The following SNX29 variants were observed in gnomAD, a reference collection of about 807,000 sequenced individuals.
The protein encoded by SNX29 is sorting nexin 29, also known as sorting nexin-29.
SNX29 carries 78 observed loss-of-function variants against 102.1 expected under a neutral mutation model. The observed-to-expected ratio is 0.76, with a 90% confidence interval of 0.64 to 0.92. The LOEUF is 0.92. Ranked by LOEUF, SNX29 falls within the 40% of genes least tolerant of loss-of-function variation. SNX29 has a pLI of 0.00. For missense variants in SNX29, 1,280 were observed against 1,061.7 expected, an observed-to-expected ratio of 1.21 and a Z score of -2.86; for synonymous variants, 580 against 414.5, an observed-to-expected ratio of 1.40 and a Z score of -4.85.
chr16:12,062,983 G>A (rs1277556840), intron 9 of SNX29, among the ~76,000 whole-genome samples: 1 of 152,178 alleles, frequency 6.6e-6, no homozygotes, highest in Non-Finnish European at 1.5e-5. Context: ...TCTGTCAGTT[G>A]CTGTGTCCTC....
At chr16:12,478,091 G>A (rs1567605372) in intron 19 of SNX29, among the ~76,000 whole-genome samples, 1 of 152,272 alleles carries the variant, frequency 6.6e-6, no homozygotes, top group South Asian at 2.1e-4. Context: ...CAAGAAGTTG[G>A]AAAACTTTTT....
chr16:12,572,190 C>A lies in SNX29; in HGVS notation c.*3561C>A. 2.1e-6 allele frequency: 2 copies of A among 957,494 alleles called. No individual in the cohort carries two copies. The highest frequency in any genetic ancestry group is 2.6e-6 in the Non-Finnish European group (2 of 781,890). The allele number at this position is 957,494 out of a possible 1,614,324, so 59.3% of individuals were successfully genotyped here. ...ACCATGTAATTTCTTAGAACCATGG[C>A]AGGTAGTATTGTGCTTTAAAAACCA... On this transcript the variant is annotated 3_prime_UTR_variant, in exon 21 of 21. Coordinates refer to ENST00000566228, the MANE Select transcript of SNX29 (RefSeq NM_032167.5).
chr16:12,555,257 A>C (rs1345443506), intron 20 of SNX29, among the ~76,000 whole-genome samples: 1 of 151,076 alleles, frequency 6.6e-6, no homozygotes, highest in Admixed American at 6.6e-5. Flanking sequence ...GAGGGTGCTC[A>C]AACCCAGGGT....
intron 18 of SNX29, among the ~76,000 whole-genome samples, chr16:12,414,245 G>A (rs1214075985): frequency 2.0e-5 from 3 of 152,170 alleles, no homozygotes; most frequent in Non-Finnish European, 2.9e-5. Flanking sequence ...GTGGTGGCTT[G>A]TGCCTGTAAA....
At chr16:11,998,863 C>T (rs1434461271) in intron 1 of SNX29, among the ~76,000 whole-genome samples, 1 of 152,230 alleles carries the variant, frequency 6.6e-6, no homozygotes, top group Non-Finnish European at 1.5e-5. Context: ...AGCCAGTGAG[C>T]AGTTCCTGCT....
At chr16:12,262,290 C>T (rs987232056) in intron 14 of SNX29, among the ~76,000 whole-genome samples, 12 of 152,290 alleles carry the variant, frequency 7.9e-5, no homozygotes, top group South Asian at 4.1e-4. Context: ...AATGAGGAGA[C>T]CCAGGCTCTA....
At chr16:12,382,928 C>T (rs1302901386) in intron 16 of SNX29, among the ~76,000 whole-genome samples, 2 of 152,154 alleles carry the variant, frequency 1.3e-5, no homozygotes, top group African/African-American at 4.8e-5. Flanking sequence ...AGGATGTTCT[C>T]ATCTCAAGAG....
chr16:12,489,292 A>G (rs1311265708), intron 19 of SNX29, among the ~76,000 whole-genome samples: 1 of 152,090 alleles, frequency 6.6e-6, no homozygotes, highest in Admixed American at 6.5e-5. Flanking sequence ...CTGGAAAAAA[A>G]AAAAAAATTC....
intron 20 of SNX29, among the ~76,000 whole-genome samples, chr16:12,533,625 C>G (rs897469620): frequency 1.3e-5 from 2 of 152,182 alleles, no homozygotes; most frequent in Non-Finnish European, 2.9e-5. Flanking sequence ...TGGACTGACA[C>G]CCCAAATTGG....
In SNX29 at chr16:12,403,505, A is replaced by C; in HGVS notation, c.2013A>C (p.Ala671=). ...CCTCAGTGTTTCTCCGGGGCAAAGC[A>C]GCAAATGCATTCCACGTGTATCAGG... ...WIPSVFLRGK[A]ANAFHVYQVY... Residue 671 remains alanine, a synonymous_variant, in exon 18 of 21, where the codon GCA becomes GCC. Coordinates refer to ENST00000566228, the MANE Select transcript of SNX29 (RefSeq NM_032167.5). The C allele has an allele frequency of 1.2e-6, 2 of 1,608,212 alleles. No homozygotes were observed. Among genetic ancestry groups the C allele is most frequent in the Non-Finnish European group, 1.7e-6 (2 of 1,177,336 alleles).
chr16:12,039,254 C>A (rs2151166761), intron 4 of SNX29, among the ~76,000 whole-genome samples: 1 of 152,340 alleles, frequency 6.6e-6, no homozygotes, highest in African/African-American at 2.4e-5. Context: ...GTGCTCGGTG[C>A]TTTCCTTCCC....
At chr16:12,529,477 T>G (rs1285947950) in intron 20 of SNX29, among the ~76,000 whole-genome samples, 1 of 152,212 alleles carries the variant, frequency 6.6e-6, no homozygotes, top group African/African-American at 2.4e-5. Flanking sequence ...ACAGCTTCAG[T>G]GATTTGCCGT....
chr16:12,548,877 G>C (rs183740871), intron 20 of SNX29, among the ~76,000 whole-genome samples: 2 of 151,826 alleles, frequency 1.3e-5, no homozygotes, highest in East Asian at 1.9e-4. Flanking sequence ...CCCTTGGCCT[G>C]AACCCTACAC....
At chr16:12,550,547 A>C (rs1236497484) in intron 20 of SNX29, among the ~76,000 whole-genome samples, 2 of 145,816 alleles carry the variant, frequency 1.4e-5, no homozygotes, top group African/African-American at 5.2e-5. Flanking sequence ...AAAAAAAAAA[A>C]CCAAACACCA....
intron 16 of SNX29, chr16:12,373,057 C>T (rs1567493605): frequency 6.6e-6 from 1 of 152,154 alleles, no homozygotes; most frequent in Non-Finnish European, 1.5e-5. Context: ...TCTCCATGTC[C>T]CCATGATTAG....
chr16:12,559,930 G>C (rs553336653), intron 20 of SNX29, among the ~76,000 whole-genome samples: 1 of 152,266 alleles, frequency 6.6e-6, no homozygotes, highest in Middle Eastern at 3.4e-3. Context: ...AGTGAGTCGA[G>C]ATTACATCAC....
intron 20 of SNX29, among the ~76,000 whole-genome samples, chr16:12,555,867 C>T (rs907472227): frequency 1.2e-4 from 19 of 152,156 alleles, no homozygotes; most frequent in African/African-American, 4.3e-4. Flanking sequence ...TCATTTTCTC[C>T]AGAGGCCGTG....
chr16:12,070,994 T>G (rs1014199855), intron 10 of SNX29, among the ~76,000 whole-genome samples: 10 of 152,106 alleles, frequency 6.6e-5, no homozygotes, highest in African/African-American at 2.4e-4. Flanking sequence ...TCTGTTCATA[T>G]CCTTTGCCCA....
At chr16:12,026,034 C>T (rs1246426027) in intron 3 of SNX29, among the ~76,000 whole-genome samples, 1 of 152,162 alleles carries the variant, frequency 6.6e-6, no homozygotes, top group Non-Finnish European at 1.5e-5. Context: ...AAATATTTTA[C>T]TACCCACAGA....
Sources: allele counts gnomAD v4.1 joint callset (sites outside exome capture counted in the v4.1 genomes callset), GRCh38; gene constraint gnomAD v4.1.1; transcripts MANE v1.5; gene names NCBI Gene and HGNC (gene_info 2026-07-23, HGNC 2026-07-21).